Variants in ME3 observed in about 807,000 individuals in gnomAD.
ME3 encodes NADP-dependent malic enzyme, mitochondrial.
ME3 carries 48 observed loss-of-function variants against 68.9 expected under a neutral mutation model. The ratio of observed to expected loss-of-function variants is 0.70; its 90% CI spans 0.55 to 0.89. The LOEUF (loss-of-function observed/expected upper bound fraction) is 0.89. Ranked by LOEUF, ME3 falls within the 40% of genes least tolerant of loss-of-function variation. ME3 has a pLI of 0.00. For synonymous variants in ME3, 320 were observed against 318.8 expected (o/e 1.00, Z -0.04); for missense variants, 675 against 797.4 (o/e 0.85, Z 1.85).
At chr11:86,550,156 G>A (rs947609500) in intron 4 of ME3, among the ~76,000 whole-genome samples, 4 of 152,154 alleles carry the variant, frequency 2.6e-5, no homozygotes, top group Non-Finnish European at 5.9e-5. Flanking sequence ...GTGCACAGCC[G>A]GGACTGAGAA....
chr11:86,560,652 TAA>T (rs1238058719), intron 2 of ME3, among the ~76,000 whole-genome samples: 8 of 151,216 alleles, frequency 5.3e-5, no homozygotes, highest in Admixed American at 1.3e-4. Context: ...TCAGATTTTT[TAA>T]AGTTTTTATC....
chr11:86,566,580 A>G (rs1233597800), intron 2 of ME3, among the ~76,000 whole-genome samples: 1 of 151,574 alleles, frequency 6.6e-6, no homozygotes, highest in Admixed American at 6.6e-5. Flanking sequence ...TTTAATGAAT[A>G]TCTAATCTTA....
chr11:86,498,026 T>G (rs1952477842), exon 6 of ME3: 1 of 1,613,542 alleles, frequency 6.2e-7, no homozygotes, highest in Non-Finnish European at 8.5e-7. Context: ...CCCCTCCGCA[T>G]GCCGTGTACA....
chr11:86,498,304 G>A (rs540428235), intron 5 of ME3, among the ~76,000 whole-genome samples, 180 bp from the exon 6 acceptor site: 1 of 152,280 alleles, frequency 6.6e-6, no homozygotes, highest in South Asian at 2.1e-4. Flanking sequence ...AGTCCTTCCT[G>A]GCAGGCTGGT....
intron 4 of ME3, among the ~76,000 whole-genome samples, chr11:86,553,495 C>A (rs1196701942): frequency 1.4e-5 from 2 of 144,048 alleles, no homozygotes; most frequent in Admixed American, 1.3e-4. Flanking sequence ...GGAGCCCAAA[C>A]TTTTATTTCC....
intron 2 of ME3, among the ~76,000 whole-genome samples, chr11:86,616,827 C>T (rs967387699): frequency 1.3e-5 from 2 of 152,036 alleles, no homozygotes; most frequent in South Asian, 2.1e-4. Context: ...GATCCTAGAA[C>T]AGAAAAGAGG....
In ME3 at chr11:86,595,306, T is replaced by TATAGAGAGAG. The variant is rs371436753; in HGVS notation, c.184-35484_184-35483insCTCTCTCTAT. Among the ~76,000 whole-genome samples, 4 of 79,792 alleles carry TATAGAGAGAG rather than the reference T, an allele frequency of 5.0e-5. 1 individual carries two copies. The highest frequency in any genetic ancestry group is 4.6e-4 in the Admixed American group (3 of 6,524). 52.3% of individuals were successfully genotyped at this position (79,792 alleles called of 152,430 possible). On this transcript the variant is annotated intron_variant, in intron 2 of 14. Coordinates refer to ENST00000543262, the Ensembl canonical transcript of ME3. ...ATATACATATACATATATATATATA[T>TATAGAGAGAG]AGAGAGAGAGAGAGAGAGAGAGAGA...
At chr11:86,655,268 A>T (rs1288000973) in intron 2 of ME3, among the ~76,000 whole-genome samples, 1 of 152,178 alleles carries the variant, frequency 6.6e-6, no homozygotes, top group Non-Finnish European at 1.5e-5. Context: ...ATATGGAACC[A>T]AAAAAGAGCC....
At position 86,601,633 on chromosome 11, in the gene ME3, G is replaced by A. The variant is rs542092537; in HGVS notation, c.184-41810C>T. Among the ~76,000 whole-genome samples, 21 of 151,746 alleles carry A rather than the reference G, an allele frequency of 1.4e-4. No individual in the cohort carries two copies. In the South Asian group the frequency reaches 2.1e-3, roughly 15 times the overall value. ...CCAGCATCATCCTGATACCAAAGCCGGGCAGAGACACAACCAAAAAAGAGA... is the reference window on the plus strand; with the variant it reads ...CCAGCATCATCCTGATACCAAAGCCAGGCAGAGACACAACCAAAAAAGAGA... On this transcript the variant is annotated intron_variant, in intron 2 of 14. Transcript: ENST00000543262.
chr11:86,460,117 T>C (rs183737450), intron 8 of ME3, among the ~76,000 whole-genome samples: 2 of 152,364 alleles, frequency 1.3e-5, no homozygotes, highest in Non-Finnish European at 2.9e-5. Flanking sequence ...GATGCTTCTC[T>C]GGTCCCAGCT....
chr11:86,548,321 G>A (rs550158351), intron 4 of ME3, among the ~76,000 whole-genome samples: 63 of 152,298 alleles, frequency 4.1e-4, no homozygotes, highest in African/African-American at 1.5e-3. Context: ...TCAGCAATGT[G>A]GGATCTAGAT....
intron 2 of ME3, among the ~76,000 whole-genome samples, chr11:86,618,683 C>G (rs1943144260): frequency 6.6e-6 from 1 of 151,332 alleles, no homozygotes; most frequent in South Asian, 2.1e-4. Flanking sequence ...TTGGTGCTGT[C>G]CTCATGATAG....
chr11:86,630,923 A>T (rs1417372032), intron 2 of ME3, among the ~76,000 whole-genome samples: 2 of 152,200 alleles, frequency 1.3e-5, no homozygotes, highest in Non-Finnish European at 2.9e-5. Context: ...GAGCAGGGTG[A>T]GGGAGGGCAG....
chr11:86,541,161 T>G (rs1323651743), intron 4 of ME3, among the ~76,000 whole-genome samples: 1 of 152,162 alleles, frequency 6.6e-6, no homozygotes, highest in Non-Finnish European at 1.5e-5. Flanking sequence ...GGAGATTCCT[T>G]CCGGTGCCTA....
At chr11:86,665,038 G>C (rs1232965706) in intron 2 of ME3, among the ~76,000 whole-genome samples, 4 of 152,162 alleles carry the variant, frequency 2.6e-5, no homozygotes, top group Non-Finnish European at 5.9e-5. Context: ...GTGAAAGAAG[G>C]GGCCTTGGCA....
intron 2 of ME3, among the ~76,000 whole-genome samples, chr11:86,615,831 A>C (rs1450769959): frequency 2.0e-5 from 3 of 152,226 alleles, no homozygotes; most frequent in Non-Finnish European, 4.4e-5. Context: ...ATTTTCTTGC[A>C]TAACAACTTC....
intron 2 of ME3, among the ~76,000 whole-genome samples, chr11:86,582,072 T>G (rs1411743335): frequency 1.3e-5 from 2 of 152,260 alleles, no homozygotes; most frequent in Admixed American, 1.3e-4. Context: ...TCTTGCTAAC[T>G]TAAAACATCT....
chr11:86,443,450 C>T (rs1401505415), intron 13 of ME3, among the ~76,000 whole-genome samples: 1 of 152,244 alleles, frequency 6.6e-6, no homozygotes, highest in African/African-American at 2.4e-5. Flanking sequence ...GTCCTAAGCA[C>T]ATCATCCTGA....
At chr11:86,526,302 G>C in intron 4 of ME3, among the ~76,000 whole-genome samples, 1 of 152,352 alleles carries the variant, frequency 6.6e-6, no homozygotes, top group South Asian at 2.1e-4. Flanking sequence ...AAACTGCAAG[G>C]TGGCAGCGAG....
Sources: allele counts gnomAD v4.1 joint callset (sites outside exome capture counted in the v4.1 genomes callset), GRCh38; gene constraint gnomAD v4.1.1; transcripts MANE v1.5; gene names NCBI Gene and HGNC (gene_info 2026-07-23, HGNC 2026-07-21).